Variants in RERE observed in about 807,000 individuals in gnomAD.
RERE encodes the protein arginine-glutamic acid dipeptide repeats.
RERE carries 40 observed loss-of-function variants against 146.1 expected under a neutral mutation model. That is an observed-to-expected ratio of 0.27 (90% CI 0.21 to 0.36). The LOEUF (loss-of-function observed/expected upper bound fraction) is 0.36, where lower values mean the gene tolerates loss of function less well. RERE is among the 10% of genes least tolerant of loss of function. The pLI is 1.00. For synonymous variants in RERE, 1,003 were observed against 866.0 expected, an observed-to-expected ratio of 1.16 and a Z score of -2.78; for missense variants, 1,933 against 2,138.7, an observed-to-expected ratio of 0.90 and a Z score of 1.90.
In RERE at chr1:8,355,989, C is replaced by T; in HGVS notation, c.4486+111G>A. On this transcript the variant is annotated intron_variant, in intron 21 of 22. Coordinates refer to ENST00000400908, the MANE Select transcript of RERE (RefSeq NM_001042681.2). ...CCCCCTGCATGCAGGGGGAGCGAACCCACCTGCTCAATGCATGAATGAATG... is the reference window on the plus strand; with the variant it reads ...CCCCCTGCATGCAGGGGGAGCGAACTCACCTGCTCAATGCATGAATGAATG... 2.4e-6 allele frequency: 3 copies of T among 1,225,302 alleles called. No homozygotes were observed. In the South Asian group the frequency reaches 5.6e-5, roughly 23 times the overall value. 75.9% of individuals were successfully genotyped at this position (1,225,302 alleles called of 1,614,324 possible).
chr1:8,631,586 T>A (rs1647036043), intron 2 of RERE, among the ~76,000 whole-genome samples: 1 of 152,206 alleles, frequency 6.6e-6, no homozygotes, highest in African/African-American at 2.4e-5. Context: ...TGCTAAATAT[T>A]AGCCATGGTT....
chr1:8,654,049 G>T (rs1466925418), intron 2 of RERE, among the ~76,000 whole-genome samples: 2 of 151,328 alleles, frequency 1.3e-5, no homozygotes, highest in Non-Finnish European at 2.9e-5. Flanking sequence ...TTTGCGGGGG[G>T]GAGGGGTGGA....
At chr1:8,716,763 G>A (rs1639773102) in intron 1 of RERE, among the ~76,000 whole-genome samples, 1 of 151,774 alleles carries the variant, frequency 6.6e-6, no homozygotes, top group South Asian at 2.1e-4. Flanking sequence ...TAACCCATGT[G>A]CTTTGATCAC....
At position 8,444,873 on chromosome 1, in the gene RERE, T is replaced by C. The variant is rs552106449; in HGVS notation, c.1203+21052A>G. Among the ~76,000 whole-genome samples the C allele has an allele frequency of 1.2e-4, 18 of 151,974 alleles. No homozygotes were observed. In the South Asian group the frequency reaches 2.9e-3, roughly 25 times the overall value. ...AGTGCGTAGATGTTGGTGTCATGCT[T>C]GTACAGCCTATAGAACTGTGCGCCA... On this transcript the variant is annotated intron_variant, in intron 11 of 22. Coordinates refer to ENST00000400908, the MANE Select transcript of RERE (RefSeq NM_001042681.2).
At chr1:8,711,514 A>C (rs2124457878) in intron 1 of RERE, among the ~76,000 whole-genome samples, 1 of 152,342 alleles carries the variant, frequency 6.6e-6, no homozygotes, top group South Asian at 2.1e-4. Context: ...GACTGTGCAG[A>C]TCAAATTATT....
At chr1:8,357,051 C>T (rs2124356099) in intron 20 of RERE, among the ~76,000 whole-genome samples, 1 of 152,348 alleles carries the variant, frequency 6.6e-6, no homozygotes, top group South Asian at 2.1e-4. Context: ...TGCCCCTGCG[C>T]CCAGCTCTCC....
chr1:8,786,725 C>A lies in RERE; in HGVS notation c.-145+30435G>T, dbSNP rs1641266024. ...TTGCCAGCTTTTCTTGCCATCCTTG[C>A]CATTCGAATTTCAGTTCTGTACATC... is the stretch of plus-strand genomic sequence containing the variant. On this transcript the variant is annotated intron_variant, in intron 1 of 22. Transcript: ENST00000400908. 4 of 786,484 alleles carry A rather than the reference C, an allele frequency of 5.1e-6. No homozygotes were observed. The African/African-American group carries it at 6.7e-5, about 13-fold the overall frequency. 48.7% of individuals were successfully genotyped at this position (786,484 alleles called of 1,614,324 possible). A position where few individuals can be genotyped will look rare whatever the true frequency, so the allele number is the denominator to read the frequency against.
intron 1 of RERE, among the ~76,000 whole-genome samples, chr1:8,756,644 C>G (rs1054581352): frequency 6.6e-6 from 1 of 152,180 alleles, no homozygotes; most frequent in Non-Finnish European, 1.5e-5. Context: ...AAATATTAGT[C>G]TGCTTTGCTG....
At position 8,465,969 on chromosome 1, in the gene RERE, G is replaced by A; in HGVS notation, c.1159C>T (p.Pro387Ser). Residue 387 changes from proline to serine, a missense_variant, in exon 11 of 23, where the codon CCT becomes TCT. By Grantham distance (74) the Pro-to-Ser change is moderately conservative (BLOSUM62 -1). This residue lies in a region of RERE where 260 missense variants were observed against 378.4 expected (regional missense o/e 0.69). Transcript: ENST00000400908. ...GKALQRLVKK[P>S]VPKLIEKCWT... is the part of the protein sequence containing the mutation. ...CACTTCTCGATGAGCTTGGGCACAG[G>A]CTTCTTCACCAGGCGCTGCAGGGCT... 1 of 1,614,120 alleles carries A rather than the reference G, an allele frequency of 6.2e-7. No homozygotes were observed. The highest frequency in any genetic ancestry group is 8.5e-7 in the Non-Finnish European group (1 of 1,179,972).
chr1:8,605,168 C>T (rs940549795), intron 4 of RERE, among the ~76,000 whole-genome samples: 2 of 152,142 alleles, frequency 1.3e-5, no homozygotes, highest in Non-Finnish European at 2.9e-5. Flanking sequence ...GACGGAGTCT[C>T]GCTCTGTCGC....
Position 8,361,813 on chromosome 1 carries a change from A to T in RERE, c.1966T>A (p.Ser656Thr). The T allele has an allele frequency of 1.2e-6, 2 of 1,614,120 alleles. No individual in the cohort carries two copies. Among genetic ancestry groups the T allele is most frequent in the Non-Finnish European group, 1.7e-6 (2 of 1,179,954 alleles). Residue 656 changes from serine to threonine, a missense_variant, in exon 17 of 23, where the codon TCT (serine) becomes ACT (threonine). Physicochemically the swap from Ser to Thr is moderately conservative, Grantham distance 58. This residue lies in a region of RERE where 1,255 missense variants were observed against 1,153.8 expected (regional missense o/e 1.09). Coordinates refer to ENST00000400908, the MANE Select transcript of RERE (RefSeq NM_001042681.2). ...SNKRQREKVASDTEEADRTSS... is the reference protein window; with the variant it reads ...SNKRQREKVATDTEEADRTSS... ...GTCCTGTCAGCCTCCTCCGTATCAG[A>T]GGCCACCTTCTCCCGCTGGCGTTTG...
chr1:8,716,926 T>G (rs1266886319), intron 1 of RERE, among the ~76,000 whole-genome samples: 1 of 152,180 alleles, frequency 6.6e-6, no homozygotes, highest in East Asian at 1.9e-4. Flanking sequence ...TTTTGCAACC[T>G]GCTAGTAAGA....
At chr1:8,611,752 A>T (rs1318910783) in intron 4 of RERE, among the ~76,000 whole-genome samples, 1 of 152,182 alleles carries the variant, frequency 6.6e-6, no homozygotes, top group Non-Finnish European at 1.5e-5. Flanking sequence ...AATGGAGATA[A>T]ATGTGCACGT....
intron 1 of RERE, among the ~76,000 whole-genome samples, chr1:8,660,029 A>G (rs1428158290): frequency 6.6e-6 from 1 of 151,972 alleles, no homozygotes; most frequent in Non-Finnish European, 1.5e-5. Flanking sequence ...CTATTTATAT[A>G]TTACATAATC....
intron 4 of RERE, among the ~76,000 whole-genome samples, chr1:8,575,048 G>A (rs531092455): frequency 1.3e-5 from 2 of 152,282 alleles, no homozygotes; most frequent in South Asian, 2.1e-4. Flanking sequence ...TCTCTGGAAA[G>A]ATACAAGAAG....
At chr1:8,705,226 G>T (rs751878609) in intron 1 of RERE, among the ~76,000 whole-genome samples, 2 of 152,104 alleles carry the variant, frequency 1.3e-5, no homozygotes, top group Non-Finnish European at 2.9e-5. Flanking sequence ...AGTCTCTCAG[G>T]GATTCTAAAT....
intron 12 of RERE, among the ~76,000 whole-genome samples, chr1:8,372,103 T>C (rs994050838): frequency 5.3e-5 from 8 of 152,106 alleles, no homozygotes; most frequent in Non-Finnish European, 1.2e-4. Context: ...TTTAGGGGCA[T>C]GGGGGAGTGA....
At chr1:8,565,047 A>G (rs561451487) in intron 4 of RERE, among the ~76,000 whole-genome samples, 1 of 152,248 alleles carries the variant, frequency 6.6e-6, no homozygotes, top group South Asian at 2.1e-4. Flanking sequence ...AGAAGTGAAG[A>G]GAAGTGGTTA....
intron 11 of RERE, chr1:8,428,708 T>C (rs1028117469): frequency 6.6e-6 from 1 of 152,240 alleles, no homozygotes; most frequent in Non-Finnish European, 1.5e-5. Context: ...CCATGTGATC[T>C]AGTCTGCTCC....
Sources: allele counts gnomAD v4.1 joint callset (sites outside exome capture counted in the v4.1 genomes callset), GRCh38; gene constraint gnomAD v4.1.1; regional missense constraint gnomAD v4.1.1; transcripts MANE v1.5; gene names NCBI Gene and HGNC (gene_info 2026-07-23, HGNC 2026-07-21).